TMEM184B: variants seen among roughly 807,000 people sequenced by gnomAD.
TMEM184B encodes transmembrane protein 184B.
A neutral mutation model predicts 41.8 loss-of-function variants in TMEM184B; 17 were observed. The observed-to-expected ratio is 0.41, with a 90% CI of 0.28 to 0.61. TMEM184B has a LOEUF of 0.61. Among genes scored for constraint, TMEM184B ranks in the 20% least tolerant of loss-of-function variants. The pLI, the probability that TMEM184B is intolerant of heterozygous loss-of-function variation, is 0.34. For synonymous variants in TMEM184B, 240 were observed against 229.5 expected (o/e 1.05, Z -0.41); for missense variants, 393 against 557.8 (o/e 0.70, Z 2.98).
At chr22:38,230,826 C>A (rs2091595644) in intron 4 of TMEM184B, 82 bp from the exon 5 acceptor site, 1 of 1,327,214 alleles carries the variant, frequency 7.5e-7, no homozygotes, top group Admixed American at 1.9e-5. Flanking sequence ...AGGCCGCCCT[C>A]CCACCCATCC....
chr22:38,224,944 T>C lies in TMEM184B; in HGVS notation c.823A>G (p.Ile275Val). The change falls in exon 8 of 9, where the codon ATC (isoleucine) becomes GTC (valine). Residue 275 changes from isoleucine to valine, a missense_variant. Around this residue, in one of 2 missense-constraint regions of TMEM184B, gnomAD observed 271 missense variants for 434.1 expected, o/e 0.62. Transcript: ENST00000361906. The stretch of plus-strand genomic sequence containing the variant: ...ACGCGGGCCGAGTGGATTTTGGGGA[T>C]GGCCCCACACTTCTCCAGGATGGCC... ...LLAILEKCGA[I>V]PKIHSARVSV... The C allele has an allele frequency of 6.3e-7, 1 of 1,598,476 alleles. No homozygotes were observed. Among genetic ancestry groups the C allele is most frequent in the Non-Finnish European group, 8.5e-7 (1 of 1,172,212 alleles).
rs958824588 is a variant in TMEM184B at position 38,221,531 on chromosome 22, T to C, written c.1162A>G (p.Ser388Gly). 1.9e-5 allele frequency: 30 copies of C among 1,613,534 alleles called. No individual in the cohort carries two copies. The highest frequency in any genetic ancestry group is 5.3e-5 in the African/African-American group (4 of 74,920). ...GGAHGLSRSH[S>G]LSGARDNEKT... The stretch of plus-strand genomic sequence containing the variant: ...TCGTTGTCGCGGGCGCCACTGAGGC[T>C]GTGGGAGCGGGAGAGGCCGTGGGCG... The change falls in exon 9 of 9, where the codon AGC becomes GGC. Residue 388 changes from serine (S) to glycine (G), a missense_variant. Transcript: ENST00000361906.
At chr22:38,236,652 TTG>T (rs1251878722) in intron 3 of TMEM184B, among the ~76,000 whole-genome samples, 1 of 151,804 alleles carries the variant, frequency 6.6e-6, no homozygotes, top group Non-Finnish European at 1.5e-5. Flanking sequence ...CCTGCCTAAT[TTG>T]TGTTTTTTGT....
chr22:38,270,582 G>A (rs749423712), intron 1 of TMEM184B, among the ~76,000 whole-genome samples: 2 of 152,170 alleles, frequency 1.3e-5, no homozygotes, highest in Non-Finnish European at 2.9e-5. Flanking sequence ...CCAGCACAGT[G>A]CAGGGCAGCA....
At chr22:38,268,516 ATTC>A (rs777707758) in intron 1 of TMEM184B, among the ~76,000 whole-genome samples, 7 of 151,822 alleles carry the variant, frequency 4.6e-5, no homozygotes, top group Non-Finnish European at 7.4e-5. Flanking sequence ...TGACCCTTCA[ATTC>A]TTCTCTCTGT....
At chr22:38,272,541 A>T in intron 1 of TMEM184B, 1 of 985,430 alleles carries the variant, frequency 1.0e-6, no homozygotes, top group Non-Finnish European at 1.2e-6. Flanking sequence ...GGAGCACACA[A>T]TCCCTCTTGC....
At position 38,219,446 on chromosome 22, in the gene TMEM184B, G is replaced by A. The variant is rs1436858619; in HGVS notation, c.*2023C>T. 2 of 985,508 alleles carry A rather than the reference G, an allele frequency of 2.0e-6. No homozygotes were observed. Among genetic ancestry groups the A allele is most frequent in the African/African-American group, 1.8e-5 (1 of 57,122 alleles). 61.0% of individuals were successfully genotyped at this position (985,508 alleles called of 1,614,324 possible). ...CATACAACAAGATACAAAACTAGGA[G>A]ACTCTGTCTTCTCATACATCATACA... On this transcript the variant is annotated 3_prime_UTR_variant, in exon 9 of 9. Transcript: ENST00000361906.
In TMEM184B at chr22:38,231,153, G is replaced by A. The variant is rs531001526; in HGVS notation, c.449+91C>T. 2.4e-4 allele frequency: 259 copies of A among 1,100,936 alleles called. 1 individual carries two copies. In the Admixed American group the frequency reaches 4.3e-3, roughly 18 times the overall value. The allele number at this position is 1,100,936 out of a possible 1,614,324, so 68.2% of individuals were successfully genotyped here. ...GCAGGTCAAGGTCACGGGCAGACAT[G>A]GTCTGTGTCCAGCTGGTGCCAGGAC... On this transcript the variant is annotated intron_variant, in intron 4 of 8. Coordinates refer to ENST00000361906, the MANE Select transcript of TMEM184B (RefSeq NM_012264.5).
At chr22:38,247,527 G>A (rs1203852166) in intron 2 of TMEM184B, among the ~76,000 whole-genome samples, 1 of 152,214 alleles carries the variant, frequency 6.6e-6, no homozygotes, top group East Asian at 1.9e-4. Context: ...TCCAACCCAC[G>A]AGACAGAGGT....
At chr22:38,227,779 C>T (rs773648803) in intron 5 of TMEM184B, among the ~76,000 whole-genome samples, 6 of 152,264 alleles carry the variant, frequency 3.9e-5, no homozygotes, top group South Asian at 2.1e-4. Flanking sequence ...AGCATCTTCT[C>T]GGGAGTCTCC....
chr22:38,243,375 G>A (rs1413199019), intron 3 of TMEM184B, among the ~76,000 whole-genome samples: 1 of 152,172 alleles, frequency 6.6e-6, no homozygotes, highest in African/African-American at 2.4e-5. Flanking sequence ...CCTGTCTTTG[G>A]GGTCCCGCCG....
chr22:38,231,583 A>G (rs896749223), intron 3 of TMEM184B: 20 of 627,114 alleles, frequency 3.2e-5, no homozygotes, highest in Non-Finnish European at 2.6e-5. Flanking sequence ...CTGGCGTAAT[A>G]CTATGAAGGG....
At position 38,225,328 on chromosome 22, in the gene TMEM184B, C is replaced by G; in HGVS notation, c.787+96G>C. On this transcript the variant is annotated intron_variant, in intron 7 of 8. Transcript: ENST00000361906. This position sits in a 1 kb window ranked among gnomAD's most constrained non-coding sequence, Gnocchi z 4.4. ...GTGGGCTGAGGCCCCTCTGAACAGG[C>G]CCTACAGGCACCAGGGACCATAAGC... The G allele has an allele frequency of 1.4e-6, 2 of 1,431,666 alleles. No individual in the cohort carries two copies. The highest frequency in any genetic ancestry group is 1.9e-6 in the Non-Finnish European group (2 of 1,069,036). 88.7% of individuals were successfully genotyped at this position (1,431,666 alleles called of 1,614,324 possible).
chr22:38,219,511 C>T lies in TMEM184B; in HGVS notation c.*1958G>A, dbSNP rs545630089. 9 of 985,372 alleles carry T rather than the reference C, an allele frequency of 9.1e-6. No individual in the cohort carries two copies. Among genetic ancestry groups the T allele is most frequent in the Admixed American group, 6.2e-5 (1 of 16,230 alleles). 61.0% of individuals were successfully genotyped at this position (985,372 alleles called of 1,614,324 possible). On this transcript the variant is annotated 3_prime_UTR_variant, in exon 9 of 9. Coordinates refer to ENST00000361906, the MANE Select transcript of TMEM184B (RefSeq NM_012264.5). ...TATTCTTTATGTACAAAGAGCTACT[C>T]TACCTGGAAAGAAAATTAAAAAAAA... is the stretch of plus-strand genomic sequence containing the variant.
At chr22:38,237,936 G>T (rs976528357) in intron 3 of TMEM184B, among the ~76,000 whole-genome samples, 4 of 152,046 alleles carry the variant, frequency 2.6e-5, no homozygotes, top group Non-Finnish European at 5.9e-5. Flanking sequence ...CGAGTGGCTG[G>T]AAGTACAGGC....
Position 38,231,461 on chromosome 22 carries a change from G to T in TMEM184B, c.359-127C>A, listed in dbSNP as rs957429279. 3.7e-6 allele frequency: 3 copies of T among 821,540 alleles called. No individual in the cohort carries two copies. The African/African-American group carries it at 5.0e-5, about 14-fold the overall frequency. The allele number at this position is 821,540 out of a possible 1,614,324, so 50.9% of individuals were successfully genotyped here. The stretch of plus-strand genomic sequence containing the variant: ...TGTGGCAACAGGGAGGAGGCTGGGG[G>T]ACATAAGGTTGTGCAAAAGGAGCCC... On this transcript the variant is annotated intron_variant, in intron 3 of 8. Transcript: ENST00000361906.
intron 1 of TMEM184B, among the ~76,000 whole-genome samples, chr22:38,259,793 T>G (rs2092341815): frequency 6.6e-6 from 1 of 152,240 alleles, no homozygotes; most frequent in Non-Finnish European, 1.5e-5. Context: ...GTTTTGTTTT[T>G]GAGAAGGAGT....
rs577187946 is a variant in TMEM184B, at chr22:38,233,805, T to C, written c.359-2471A>G. Among the ~76,000 whole-genome samples the C allele has an allele frequency of 1.9e-4, 29 of 152,324 alleles. 1 individual carries two copies. Among genetic ancestry groups the C allele is most frequent in the African/African-American group, 6.5e-4 (27 of 41,568 alleles). Reference sequence around the variant, plus strand: ...CTTTTTTTGAGACAGAGTCTCGCTCTATCCCCTAGGCTGGAGTGCAGTGGC... The same window carrying C: ...CTTTTTTTGAGACAGAGTCTCGCTCCATCCCCTAGGCTGGAGTGCAGTGGC... On this transcript the variant is annotated intron_variant, in intron 3 of 8. Coordinates refer to ENST00000361906, the MANE Select transcript of TMEM184B (RefSeq NM_012264.5).
intron 8 of TMEM184B, chr22:38,221,994 A>G: frequency 4.1e-6 from 2 of 493,594 alleles, no homozygotes; most frequent in Non-Finnish European, 7.3e-6. Flanking sequence ...CCCAGGGTGG[A>G]GACTGGCAAG....
Sources: allele counts gnomAD v4.1 joint callset (sites outside exome capture counted in the v4.1 genomes callset), GRCh38; gene constraint gnomAD v4.1.1; regional missense constraint gnomAD v4.1.1; non-coding constraint Gnocchi (gnomAD v3.1); transcripts MANE v1.5; gene names NCBI Gene and HGNC (gene_info 2026-07-23, HGNC 2026-07-21).